Variants in RP1 observed in about 807,000 individuals in gnomAD.
The protein encoded by RP1 is RP1 axonemal microtubule associated, also known as oxygen-regulated protein 1.
In RP1, 16 loss-of-function variants were observed where a neutral mutation model predicts 14.8. That is an observed-to-expected ratio of 1.08 (90% CI 0.73 to 1.65). The LOEUF is 1.65. Ranked by LOEUF, RP1 falls within the 40% of genes most tolerant of loss-of-function variation. RP1 has a pLI of 0.00. For missense variants in RP1, 2,631 were observed against 2,535.0 expected (o/e 1.04, Z -0.81); for synonymous variants, 876 against 883.6 (o/e 0.99, Z 0.15).
intron 15 of RP1, among the ~76,000 whole-genome samples, chr8:54,708,675 G>A (rs569160774): frequency 6.6e-6 from 1 of 151,452 alleles, no homozygotes; most frequent in South Asian, 2.1e-4. Context: ...TGATTTCTTG[G>A]TTCTTCACTT....
At chr8:54,592,431 G>A (rs1805060864) in intron 1 of RP1, among the ~76,000 whole-genome samples, 1 of 152,194 alleles carries the variant, frequency 6.6e-6, no homozygotes, top group African/African-American at 2.4e-5. Context: ...AGCACCTGGG[G>A]CCCTGCTGCG....
chr8:54,669,733 T>C (rs1807105387), intron 7 of RP1, among the ~76,000 whole-genome samples: 1 of 152,134 alleles, frequency 6.6e-6, no homozygotes, highest in Non-Finnish European at 1.5e-5. Context: ...TACAGGGCCA[T>C]GGATGAAGCT....
intron 24 of RP1, among the ~76,000 whole-genome samples, chr8:54,788,229 A>G (rs1361069623): frequency 6.6e-6 from 1 of 152,156 alleles, no homozygotes; most frequent in Non-Finnish European, 1.5e-5. Flanking sequence ...AGGAAGGAAT[A>G]TAGGAAAACA....
At chr8:54,679,434 G>A (rs755601464) in exon 10 of RP1, 32 of 1,535,726 alleles carry the variant, frequency 2.1e-5, no homozygotes, top group South Asian at 1.2e-5. Context: ...CTAGATCAGG[G>A]GGAAGATGAT....
intron 25 of RP1, among the ~76,000 whole-genome samples, chr8:54,851,658 G>A (rs940537985): frequency 2.0e-5 from 3 of 152,098 alleles, no homozygotes; most frequent in African/African-American, 7.2e-5. Context: ...TTTCACTCTG[G>A]GGTATTTTTG....
chr8:54,619,340 C>T (rs1805802035), intron 1 of RP1, among the ~76,000 whole-genome samples: 1 of 152,080 alleles, frequency 6.6e-6, no homozygotes, highest in African/African-American at 2.4e-5. Flanking sequence ...ATAATTTGGG[C>T]CAGGTTTATA....
chr8:54,651,707 A>T (rs1806658013), intron 4 of RP1, among the ~76,000 whole-genome samples: 1 of 152,118 alleles, frequency 6.6e-6, no homozygotes, highest in African/African-American at 2.4e-5. Flanking sequence ...ACCAAACATT[A>T]ATTTATTTTG....
intron 1 of RP1, among the ~76,000 whole-genome samples, chr8:54,564,431 AAC>A (rs1429582342): frequency 1.3e-5 from 2 of 152,158 alleles, no homozygotes; most frequent in African/African-American, 2.4e-5. Flanking sequence ...CTCTGGATAA[AAC>A]ACAGAATGGA....
chr8:54,778,939 G>C (rs1170097320), intron 23 of RP1, among the ~76,000 whole-genome samples: 2 of 152,136 alleles, frequency 1.3e-5, no homozygotes, highest in Non-Finnish European at 2.9e-5. Flanking sequence ...TGTAATGATA[G>C]AGAAAGTTTT....
chr8:54,867,358 AT>A (rs1347347033), intron 28 of RP1, among the ~76,000 whole-genome samples: 2 of 152,180 alleles, frequency 1.3e-5, no homozygotes, highest in Non-Finnish European at 2.9e-5. Context: ...AGCTATTGCC[AT>A]TTTATGAAAT....
intron 19 of RP1, among the ~76,000 whole-genome samples, chr8:54,741,703 GTGTGTATATATATATATA>G (rs1428234530): frequency 9.1e-5 from 8 of 87,756 alleles, no homozygotes; most frequent in African/African-American, 4.8e-4. Flanking sequence ...ATACAAATGT[GTGTGTATATATATATATA>G]TATATATATA....
intron 12 of RP1, among the ~76,000 whole-genome samples, chr8:54,684,908 A>G (rs1172924917): frequency 2.0e-5 from 3 of 152,080 alleles, no homozygotes; most frequent in African/African-American, 7.2e-5. Flanking sequence ...CAAACACCCC[A>G]TGTTCTCACT....
intron 19 of RP1, chr8:54,754,733 C>T (rs1809457285): frequency 1.4e-6 from 2 of 1,401,860 alleles, no homozygotes; most frequent in East Asian, 2.6e-5. Context: ...CCCTGGGATG[C>T]ATTGTGAATT....
At chr8:54,679,499 A>T (rs2129335133) in intron 10 of RP1, 1 of 1,535,920 alleles carries the variant, frequency 6.5e-7, no homozygotes, top group Non-Finnish European at 8.7e-7. Context: ...CTCTGCGAGT[A>T]GGTATCATGT....
chr8:54,679,753 T>C, intron 11 of RP1: 1 of 1,528,560 alleles, frequency 6.5e-7, no homozygotes, highest in Non-Finnish European at 8.8e-7. Flanking sequence ...CTTCTCTTTG[T>C]TTCTTCTCAT....
intron 22 of RP1, among the ~76,000 whole-genome samples, chr8:54,768,367 T>G (rs1809817928): frequency 6.6e-6 from 1 of 152,242 alleles, no homozygotes; most frequent in Non-Finnish European, 1.5e-5. Context: ...TTTGTTACAT[T>G]TATATCTTTA....
chr8:54,661,308 T>TATATATATGAGAG (rs1486584656), intron 6 of RP1, among the ~76,000 whole-genome samples: 1 of 147,290 alleles, frequency 6.8e-6, no homozygotes, highest in African/African-American at 2.5e-5. Flanking sequence ...ATATATGAGA[T>TATATATATGAGAG]ATATATATAT....
At chr8:54,641,549 A>C (rs1157558786) in intron 3 of RP1, among the ~76,000 whole-genome samples, 1 of 152,140 alleles carries the variant, frequency 6.6e-6, no homozygotes, top group Non-Finnish European at 1.5e-5. Flanking sequence ...AGAGAAATTA[A>C]ATACTAAGGA....
chr8:54,689,062 C>T (rs1272388106), intron 12 of RP1, among the ~76,000 whole-genome samples: 2 of 152,094 alleles, frequency 1.3e-5, no homozygotes, highest in African/African-American at 4.8e-5. Flanking sequence ...GTGTTTTATT[C>T]TCTTTGTAGC....
Sources: gnomAD v4.1 joint callset for allele counts (sites outside exome capture counted in the v4.1 genomes callset) on GRCh38, gnomAD v4.1.1 for gene constraint, MANE v1.5 for transcripts, NCBI Gene and HGNC (gene_info 2026-07-23, HGNC 2026-07-21) for gene names.